The following GPSM2 variants were observed in gnomAD, a reference collection of about 807,000 sequenced individuals.
GPSM2 encodes G protein-signaling modulator 2.
GPSM2 carries 58 observed loss-of-function variants against 78.4 expected under a neutral mutation model. The observed-to-expected ratio is 0.74, with a 90% confidence interval of 0.60 to 0.92. The LOEUF is 0.92. GPSM2 is among the 40% of genes least tolerant of loss of function. The pLI, the probability that GPSM2 is intolerant of heterozygous loss-of-function variation, is 0.00. For synonymous variants in GPSM2, 224 were observed against 280.2 expected (o/e 0.80, Z 2.00); for missense variants, 700 against 815.5 (o/e 0.86, Z 1.73).
intron 10 of GPSM2, among the ~76,000 whole-genome samples, chr1:108,909,328 A>G (rs1043111233): frequency 6.6e-6 from 1 of 152,214 alleles, no homozygotes; most frequent in African/African-American, 2.4e-5. Flanking sequence ...TTCATGAAAC[A>G]TTTACAGAAA....
At chr1:108,928,491 T>G (rs2101566905) in intron 14 of GPSM2, among the ~76,000 whole-genome samples, 1 of 152,334 alleles carries the variant, frequency 6.6e-6, no homozygotes, top group South Asian at 2.1e-4. Flanking sequence ...AGTAAATAAC[T>G]GCACCCTCTG....
At chr1:108,909,960 T>TTAAAAAG (rs1014120747) in intron 10 of GPSM2, 5 of 148,554 alleles carry the variant, frequency 3.4e-5, no homozygotes, top group African/African-American at 1.2e-4. Flanking sequence ...ACCATCTAGC[T>TTAAAAAG]TAAAAAGTAA....
chr1:108,916,896 T>A (rs990922639), intron 11 of GPSM2, among the ~76,000 whole-genome samples: 1 of 152,214 alleles, frequency 6.6e-6, no homozygotes, highest in African/African-American at 2.4e-5. Context: ...TGGGAGAGTG[T>A]GCAGTGGGAG....
rs1267812949 is a variant in GPSM2, at chr1:108,932,902, CAT to C, written c.*2963_*2964del. The C allele has an allele frequency of 6.6e-6, 1 of 152,156 alleles. No homozygotes were observed. The highest frequency in any genetic ancestry group is 1.9e-4 in the East Asian group (1 of 5,198). 9.4% of individuals were successfully genotyped at this position (152,156 alleles called of 1,614,324 possible). A position where few individuals can be genotyped will look rare whatever the true frequency, so the allele number is the denominator to read the frequency against. ...GCAATATTAAACTAGAATATATTAA[CAT>C]GTATAATTTTGAGACAAGGTCTTGC... On this transcript the variant is annotated 3_prime_UTR_variant, in exon 15 of 15. Transcript: ENST00000264126.
At chr1:108,884,150 C>T (rs956959085) in intron 1 of GPSM2, among the ~76,000 whole-genome samples, 6 of 152,140 alleles carry the variant, frequency 3.9e-5, no homozygotes, top group African/African-American at 1.4e-4. Flanking sequence ...ACCGTGTTGG[C>T]TAGGCTGGTC....
intron 14 of GPSM2, among the ~76,000 whole-genome samples, chr1:108,925,665 A>G (rs1651065770): frequency 6.6e-6 from 1 of 152,126 alleles, no homozygotes; most frequent in Non-Finnish European, 1.5e-5. Flanking sequence ...CATGGAGATT[A>G]TGAATAATTT....
In GPSM2 at chr1:108,897,477, T is replaced by G. The variant is rs1369164080; in HGVS notation, c.279-15T>G. ...ACCATTTGGTTTTTTGTTTTTTGTTTTTTGTTTTTTTCAGGACTATTGGAG... is the reference window on the plus strand; with the variant it reads ...ACCATTTGGTTTTTTGTTTTTTGTTGTTTGTTTTTTTCAGGACTATTGGAG... On this transcript the variant is annotated splice_polypyrimidine_tract_variant and intron_variant, in intron 3 of 14. Transcript: ENST00000264126. 1 of 1,598,142 alleles carries G rather than the reference T, an allele frequency of 6.3e-7. No homozygotes were observed. The highest frequency in any genetic ancestry group is 1.7e-5 in the Admixed American group (1 of 57,686).
chr1:108,894,052 A>G (rs1648174572), intron 2 of GPSM2, among the ~76,000 whole-genome samples: 1 of 152,170 alleles, frequency 6.6e-6, no homozygotes, highest in Non-Finnish European at 1.5e-5. Flanking sequence ...TCAAGAAAAA[A>G]AAAATTACAT....
intron 1 of GPSM2, among the ~76,000 whole-genome samples, chr1:108,883,204 T>G (rs916870229): frequency 2.0e-5 from 3 of 152,238 alleles, no homozygotes. Context: ...TCTTGGAAAC[T>G]TCATCAGTAT....
chr1:108,886,061 C>T (rs1348495027), intron 2 of GPSM2, among the ~76,000 whole-genome samples: 2 of 151,178 alleles, frequency 1.3e-5, no homozygotes, highest in Non-Finnish European at 2.9e-5. Context: ...ATTAATTTTA[C>T]TTTTTCTATA....
intron 14 of GPSM2, among the ~76,000 whole-genome samples, chr1:108,927,667 A>T (rs1281776596): frequency 6.6e-6 from 1 of 152,178 alleles, no homozygotes; most frequent in East Asian, 1.9e-4. Context: ...AAGCATCAGA[A>T]CTAAAACTAT....
chr1:108,880,269 A>G (rs1229679640), intron 1 of GPSM2, among the ~76,000 whole-genome samples: 1 of 152,176 alleles, frequency 6.6e-6, no homozygotes, highest in African/African-American at 2.4e-5. Context: ...AGCATTTATA[A>G]TATTTCTGCA....
intron 13 of GPSM2, among the ~76,000 whole-genome samples, chr1:108,923,420 C>G (rs1458845819): frequency 6.6e-6 from 1 of 152,120 alleles, no homozygotes. Context: ...TGCTTCATAT[C>G]TGGATTAAAA....
chr1:108,921,660 T>C (rs79788393), intron 12 of GPSM2, among the ~76,000 whole-genome samples: 2,183 of 152,260 alleles, frequency 0.014, 59 homozygotes, highest in African/African-American at 0.05. Context: ...CATAATCAGT[T>C]GAATACTAAA....
At chr1:108,900,574 A>T (rs1203288397) in intron 7 of GPSM2, among the ~76,000 whole-genome samples, 1 of 152,186 alleles carries the variant, frequency 6.6e-6, no homozygotes, top group Non-Finnish European at 1.5e-5. Flanking sequence ...GAAGGCTAAC[A>T]ATGTAGATCC....
At chr1:108,878,725 C>T (rs1367457151) in intron 1 of GPSM2, among the ~76,000 whole-genome samples, 1 of 152,166 alleles carries the variant, frequency 6.6e-6, no homozygotes, top group East Asian at 1.9e-4. Flanking sequence ...TTTATAATAA[C>T]AGTTACTGTT....
intron 2 of GPSM2, among the ~76,000 whole-genome samples, chr1:108,888,752 T>A (rs959379718): frequency 1.3e-5 from 2 of 152,200 alleles, no homozygotes; most frequent in African/African-American, 2.4e-5. Flanking sequence ...ATTTTAGATG[T>A]CTTAACATAT....
intron 14 of GPSM2, 55 bp from the exon 15 acceptor site, chr1:108,929,646 G>C (rs1483487845): frequency 6.4e-7 from 1 of 1,558,792 alleles, no homozygotes; most frequent in Non-Finnish European, 8.8e-7. Flanking sequence ...ATTTAACATA[G>C]CTTGGTGCTT....
intron 14 of GPSM2, 188 bp from the exon 15 acceptor site, chr1:108,929,513 T>A (rs1451090535): frequency 3.2e-6 from 2 of 627,250 alleles, no homozygotes; most frequent in East Asian, 5.5e-5. Context: ...AGTTTCAGGT[T>A]TAAAGATTAT....
Sources: gnomAD v4.1 joint callset for allele counts (sites outside exome capture counted in the v4.1 genomes callset) on GRCh38, gnomAD v4.1.1 for gene constraint, MANE v1.5 for transcripts, NCBI Gene and HGNC (gene_info 2026-07-23, HGNC 2026-07-21) for gene names.